The following DTNB variants were observed in gnomAD, a reference collection of about 807,000 sequenced individuals.
DTNB encodes the protein dystrobrevin beta, also known as DTN-B.
In DTNB, 63 loss-of-function variants were observed where a neutral mutation model predicts 90.7. The ratio of observed to expected loss-of-function variants is 0.69; its 90% CI spans 0.57 to 0.86. The LOEUF (loss-of-function observed/expected upper bound fraction) is 0.86. Ranked by LOEUF, DTNB falls within the 40% of genes least tolerant of loss-of-function variation. The probability of loss-of-function intolerance (pLI) is 0.00; values close to 1 mark genes in which losing one functional copy is unlikely to be tolerated. For synonymous variants in DTNB, 277 were observed against 286.7 expected (o/e 0.97, Z 0.34); for missense variants, 744 against 807.1 (o/e 0.92, Z 0.95).
intron 5 of DTNB, among the ~76,000 whole-genome samples, chr2:25,599,849 C>T (rs2065475690): frequency 6.6e-6 from 1 of 152,104 alleles, no homozygotes; most frequent in Non-Finnish European, 1.5e-5. Flanking sequence ...AATCCCAGAA[C>T]TTTGGGAGGC....
At chr2:25,420,004 T>C (rs2049000215) in intron 15 of DTNB, among the ~76,000 whole-genome samples, 1 of 152,186 alleles carries the variant, frequency 6.6e-6, no homozygotes, top group Non-Finnish European at 1.5e-5. Flanking sequence ...ACCAGCAGCA[T>C]CGGCATCACC....
intron 4 of DTNB, among the ~76,000 whole-genome samples, chr2:25,623,351 G>T (rs1438290466): frequency 6.6e-6 from 1 of 152,186 alleles, no homozygotes; most frequent in Non-Finnish European, 1.5e-5. Context: ...TTCCAGAGGG[G>T]GAAGCAAAAT....
intron 4 of DTNB, among the ~76,000 whole-genome samples, chr2:25,623,366 G>T (rs1288937528): frequency 1.3e-5 from 2 of 152,196 alleles, no homozygotes; most frequent in African/African-American, 4.8e-5. Flanking sequence ...CAAAATTGCT[G>T]AAGTATAGAG....
At chr2:25,608,665 G>A (rs188554629) in intron 4 of DTNB, among the ~76,000 whole-genome samples, 124 of 152,290 alleles carry the variant, frequency 8.1e-4, no homozygotes, top group Non-Finnish European at 1.1e-3. Flanking sequence ...GACTGATACA[G>A]AGCTTTTACA....
At position 25,433,957 on chromosome 2, in the gene DTNB, G is replaced by A; in HGVS notation, c.1296C>T (p.Ala432=). Residue 432 remains alanine (A), a synonymous_variant, in exon 13 of 21, where the codon GCC becomes GCT. Coordinates refer to ENST00000406818, the MANE Select transcript of DTNB (RefSeq NM_021907.5). Reference sequence around the variant, plus strand: ...CAATAAGCTGTCTTTGTTGTTTGTTGGCATCAAAGTTAAAGCTCAAGTCAG... The same window carrying A: ...CAATAAGCTGTCTTTGTTGTTTGTTAGCATCAAAGTTAAAGCTCAAGTCAG... ...PPTDLSFNFD[A]NKQQRQLIAE... 1 of 1,613,664 alleles carries A rather than the reference G, an allele frequency of 6.2e-7. No individual in the cohort carries two copies. The highest frequency in any genetic ancestry group is 1.1e-5 in the South Asian group (1 of 91,058).
chr2:25,606,132 T>C (rs940149374), intron 5 of DTNB, among the ~76,000 whole-genome samples: 14 of 151,926 alleles, frequency 9.2e-5, no homozygotes, highest in African/African-American at 2.9e-4. Context: ...TATGAAGTAA[T>C]CTTGCCGAAA....
intron 15 of DTNB, among the ~76,000 whole-genome samples, chr2:25,423,935 C>T (rs2050675305): frequency 1.3e-5 from 2 of 152,154 alleles, no homozygotes; most frequent in African/African-American, 4.8e-5. Context: ...GCTGGGATTG[C>T]AGGTGTGAGT....
chr2:25,558,831 T>C (rs541774606), intron 8 of DTNB, among the ~76,000 whole-genome samples: 18 of 152,286 alleles, frequency 1.2e-4, no homozygotes, highest in African/African-American at 4.1e-4. Context: ...TATCAGGATA[T>C]CCCAGACTAT....
chr2:25,495,366 TTC>T (rs1274680626), intron 9 of DTNB, among the ~76,000 whole-genome samples: 1 of 152,096 alleles, frequency 6.6e-6, no homozygotes, highest in Non-Finnish European at 1.5e-5. Flanking sequence ...GTGCCCAGCC[TTC>T]TCTCTCTCTT....
chr2:25,539,228 T>C (rs1009453521), intron 8 of DTNB, among the ~76,000 whole-genome samples: 3 of 152,244 alleles, frequency 2.0e-5, no homozygotes, highest in Admixed American at 2.0e-4. Context: ...CCGTGTCTCT[T>C]AGTGGCCATG....
At chr2:25,386,293 G>A (rs1398074802) in intron 18 of DTNB, among the ~76,000 whole-genome samples, 1 of 152,192 alleles carries the variant, frequency 6.6e-6, no homozygotes, top group African/African-American at 2.4e-5. Context: ...TTTCTCCTAC[G>A]AAGGGCTGAA....
At chr2:25,397,565 A>C (rs1265727720) in intron 16 of DTNB, among the ~76,000 whole-genome samples, 1 of 152,052 alleles carries the variant, frequency 6.6e-6, no homozygotes, top group Non-Finnish European at 1.5e-5. Context: ...GGAACTCAAG[A>C]TGGAAATTAA....
rs34341817 is a variant in DTNB, at chr2:25,383,213, C to CT, written c.1879+622dup. Among the ~76,000 whole-genome samples the CT allele has an allele frequency of 6.3e-3, 680 of 108,006 alleles. 3 individuals carry two copies. Among genetic ancestry groups the CT allele is most frequent in the Admixed American group, 0.011 (119 of 11,042 alleles). 70.9% of individuals were successfully genotyped at this position (108,006 alleles called of 152,430 possible). On this transcript the variant is annotated intron_variant, in intron 19 of 20. Transcript: ENST00000406818. Reference sequence around the variant, plus strand: ...GATCTATTTATTTTGCATTTTTGGTCTTTTTTTTTTTTTTTTTTGGAGATG... The same window carrying CT: ...GATCTATTTATTTTGCATTTTTGGTCTTTTTTTTTTTTTTTTTTTGGAGATG...
intron 8 of DTNB, among the ~76,000 whole-genome samples, chr2:25,555,289 T>C (rs1572520052): frequency 2.2e-5 from 2 of 91,720 alleles, no homozygotes; most frequent in Admixed American, 1.4e-4. Context: ...AGACTCCGTC[T>C]CCAAAAAAAA....
At chr2:25,426,995 G>A (rs901624465) in intron 15 of DTNB, among the ~76,000 whole-genome samples, 3 of 152,126 alleles carry the variant, frequency 2.0e-5, no homozygotes, top group Non-Finnish European at 2.9e-5. Flanking sequence ...GGCCAACATG[G>A]CAAAACCCCA....
intron 8 of DTNB, among the ~76,000 whole-genome samples, chr2:25,543,649 G>C (rs956104931): frequency 1.3e-5 from 2 of 152,032 alleles, no homozygotes; most frequent in African/African-American, 4.8e-5. Context: ...TTTTTATCTA[G>C]AAAATTTAAT....
At chr2:25,609,163 C>T (rs1438965040) in intron 4 of DTNB, among the ~76,000 whole-genome samples, 1 of 152,174 alleles carries the variant, frequency 6.6e-6, no homozygotes, top group Non-Finnish European at 1.5e-5. Flanking sequence ...CTGTGGGTCA[C>T]CCTTTTAATT....
chr2:25,643,933 A>G (rs1043998912), intron 2 of DTNB, among the ~76,000 whole-genome samples: 1 of 152,184 alleles, frequency 6.6e-6, no homozygotes, highest in Non-Finnish European at 1.5e-5. Flanking sequence ...TGCAGTAAAG[A>G]AGCCACCTAA....
At chr2:25,567,306 G>A (rs2059190472) in intron 8 of DTNB, among the ~76,000 whole-genome samples, 1 of 152,160 alleles carries the variant, frequency 6.6e-6, no homozygotes, top group Non-Finnish European at 1.5e-5. Context: ...AGAGATGTGA[G>A]GAGAGGGACA....
Sources: gnomAD v4.1 joint callset for allele counts (sites outside exome capture counted in the v4.1 genomes callset) on GRCh38, gnomAD v4.1.1 for gene constraint, MANE v1.5 for transcripts, NCBI Gene and HGNC (gene_info 2026-07-23, HGNC 2026-07-21) for gene names.